The following NDUFAF2 variants were observed in gnomAD, a reference collection of about 807,000 sequenced individuals.
The protein encoded by NDUFAF2 is NADH dehydrogenase [ubiquinone] 1 alpha subcomplex assembly factor 2.
A neutral mutation model predicts 22.8 loss-of-function variants in NDUFAF2; 13 were observed. The observed-to-expected ratio is 0.57, with a 90% CI of 0.37 to 0.91. The LOEUF (loss-of-function observed/expected upper bound fraction) is 0.91. NDUFAF2 is among the 40% of genes least tolerant of loss of function. The pLI is 0.01. For missense variants in NDUFAF2, 162 were observed against 195.2 expected, an observed-to-expected ratio of 0.83 and a Z score of 1.01; for synonymous variants, 53 against 64.2, an observed-to-expected ratio of 0.83 and a Z score of 0.84.
chr5:61,056,043 A>G (rs1364568041), intron 1 of NDUFAF2, among the ~76,000 whole-genome samples: 1 of 152,200 alleles, frequency 6.6e-6, no homozygotes, highest in Non-Finnish European at 1.5e-5. Context: ...ACACGTTGCT[A>G]AATTAGCCTA....
intron 3 of NDUFAF2, among the ~76,000 whole-genome samples, chr5:61,127,611 T>C (rs1753054064): frequency 6.6e-6 from 1 of 152,144 alleles, no homozygotes; most frequent in South Asian, 2.1e-4. Flanking sequence ...AATAAATACC[T>C]CTCAATACAT....
intron 1 of NDUFAF2, among the ~76,000 whole-genome samples, chr5:60,959,215 A>G (rs1472815283): frequency 1.3e-5 from 2 of 151,994 alleles, no homozygotes; most frequent in Admixed American, 6.6e-5. Flanking sequence ...TCAATGTGAT[A>G]TTTTCTCTTT....
intron 3 of NDUFAF2, among the ~76,000 whole-genome samples, chr5:61,140,570 T>G (rs775567965): frequency 6.6e-6 from 1 of 152,224 alleles, no homozygotes; most frequent in Non-Finnish European, 1.5e-5. Flanking sequence ...CATATAATTT[T>G]TAGGACATAA....
At chr5:61,085,225 G>A (rs1252789150) in intron 2 of NDUFAF2, among the ~76,000 whole-genome samples, 1 of 152,138 alleles carries the variant, frequency 6.6e-6, no homozygotes, top group African/African-American at 2.4e-5. Context: ...GTTTATCCCA[G>A]TAATACAGAT....
intron 1 of NDUFAF2, among the ~76,000 whole-genome samples, chr5:60,949,160 A>G (rs1750507180): frequency 6.6e-6 from 1 of 152,230 alleles, no homozygotes; most frequent in Non-Finnish European, 1.5e-5. Flanking sequence ...GATACAGAAC[A>G]GTTCCGTCAC....
intron 1 of NDUFAF2, among the ~76,000 whole-genome samples, chr5:60,954,840 T>C (rs748699655): frequency 6.6e-6 from 1 of 152,132 alleles, no homozygotes; most frequent in Non-Finnish European, 1.5e-5. Context: ...GCTAGTGATA[T>C]TGAGAACCTT....
At chr5:60,981,626 AT>A (rs1253379465) in intron 1 of NDUFAF2, among the ~76,000 whole-genome samples, 2 of 152,194 alleles carry the variant, frequency 1.3e-5, no homozygotes, top group African/African-American at 2.4e-5. Context: ...AACTAAAACA[AT>A]TTTTTAAGAC....
intron 1 of NDUFAF2, among the ~76,000 whole-genome samples, chr5:61,017,531 T>A (rs1580096666): frequency 6.9e-6 from 1 of 145,852 alleles, no homozygotes; most frequent in African/African-American, 2.5e-5. Flanking sequence ...AGTGGTGTGG[T>A]GGAGCCAGCT....
rs1751931715 is a variant in NDUFAF2 at position 61,045,075 on chromosome 5, AAATTT to A, written c.128-28046_128-28042del. Reference sequence around the variant, plus strand: ...AATAAAGTAAAATAAAGTTTTATTAAAATTTAATAAAATAAAATAAAGTTTTATTA... The same window carrying A: ...AATAAAGTAAAATAAAGTTTTATTAAAATAAAATAAAATAAAGTTTTATTA... On this transcript the variant is annotated intron_variant, in intron 1 of 3. Transcript: ENST00000296597. 1.4e-5 allele frequency among the ~76,000 whole-genome samples: 2 copies of A among 143,564 alleles called. 1 individual carries two copies. The allele number at this position is 143,564 out of a possible 152,430, so 94.2% of individuals were successfully genotyped here.
chr5:61,129,799 GA>G (rs1753086079), intron 3 of NDUFAF2, among the ~76,000 whole-genome samples: 1 of 151,616 alleles, frequency 6.6e-6, no homozygotes, highest in African/African-American at 2.4e-5. Flanking sequence ...AATAAAAAAG[GA>G]AAAGTACTTA....
intron 1 of NDUFAF2, among the ~76,000 whole-genome samples, chr5:61,028,554 T>C (rs572267512): frequency 6.6e-6 from 1 of 152,240 alleles, no homozygotes; most frequent in East Asian, 1.9e-4. Context: ...ACTGCATATT[T>C]TCCATAGTAT....
intron 1 of NDUFAF2, among the ~76,000 whole-genome samples, chr5:61,014,596 AG>A (rs1236568006): frequency 2.6e-5 from 4 of 152,148 alleles, no homozygotes; most frequent in Non-Finnish European, 5.9e-5. Context: ...CTGTGTCTGA[AG>A]TACCAATAGT....
intron 1 of NDUFAF2, among the ~76,000 whole-genome samples, chr5:61,005,552 C>A (rs1751355299): frequency 6.6e-6 from 1 of 152,188 alleles, no homozygotes; most frequent in Admixed American, 6.5e-5. Context: ...ACAGTCCCAC[C>A]AACAGTGTAA....
chr5:60,982,177 A>G (rs1482058518), intron 1 of NDUFAF2, among the ~76,000 whole-genome samples: 2 of 152,234 alleles, frequency 1.3e-5, no homozygotes, highest in South Asian at 2.1e-4. Context: ...ACTCACGATC[A>G]CTGATTATAT....
chr5:60,960,007 G>T (rs369550337), intron 1 of NDUFAF2, among the ~76,000 whole-genome samples: 1 of 152,170 alleles, frequency 6.6e-6, no homozygotes, highest in South Asian at 2.1e-4. Flanking sequence ...TGTGTTCACA[G>T]TCGTACCTGT....
intron 2 of NDUFAF2, among the ~76,000 whole-genome samples, chr5:61,075,534 A>G (rs968598097): frequency 6.6e-6 from 1 of 152,150 alleles, no homozygotes; most frequent in Non-Finnish European, 1.5e-5. Context: ...TTTTTCCAAT[A>G]ATAGTATAGA....
intron 2 of NDUFAF2, among the ~76,000 whole-genome samples, chr5:61,078,022 C>T (rs1435370240): frequency 6.6e-6 from 1 of 152,116 alleles, no homozygotes; most frequent in Non-Finnish European, 1.5e-5. Context: ...ATTTATTACT[C>T]AAGTTTTGGA....
chr5:61,082,320 A>G (rs1277225930), intron 2 of NDUFAF2, among the ~76,000 whole-genome samples: 1 of 152,038 alleles, frequency 6.6e-6, no homozygotes, highest in Admixed American at 6.6e-5. Flanking sequence ...CTGGTCTCAA[A>G]CTCCTGGCCT....
intron 2 of NDUFAF2, among the ~76,000 whole-genome samples, chr5:61,073,862 T>C (rs981223406): frequency 6.6e-6 from 1 of 152,236 alleles, no homozygotes; most frequent in African/African-American, 2.4e-5. Flanking sequence ...ATCAAAGTTT[T>C]ATTGCATAAA....
Sources: gnomAD v4.1 joint callset for allele counts (sites outside exome capture counted in the v4.1 genomes callset) on GRCh38, gnomAD v4.1.1 for gene constraint, MANE v1.5 for transcripts, NCBI Gene and HGNC (gene_info 2026-07-23, HGNC 2026-07-21) for gene names.